GRIK4: variants seen among roughly 807,000 people sequenced by gnomAD.
GRIK4 encodes glutamate receptor ionotropic, kainate 4.
Under a neutral mutation model 104.9 loss-of-function variants are expected in GRIK4, and 40 were observed. That is an observed-to-expected ratio of 0.38 (90% CI 0.30 to 0.50). The LOEUF (loss-of-function observed/expected upper bound fraction) is 0.50. Ranked by LOEUF, GRIK4 falls within the 20% of genes least tolerant of loss-of-function variation. The probability of loss-of-function intolerance (pLI) is 0.93; values close to 1 mark genes in which losing one functional copy is unlikely to be tolerated. For synonymous variants in GRIK4, 485 were observed against 524.9 expected (o/e 0.92, Z 1.04); for missense variants, 1,047 against 1,308.1 (o/e 0.80, Z 3.08).
intron 3 of GRIK4, among the ~76,000 whole-genome samples, chr11:120,664,014 C>T (rs1342444398): frequency 2.0e-5 from 3 of 152,222 alleles, no homozygotes; most frequent in Non-Finnish European, 4.4e-5. Flanking sequence ...CTCTGAACTC[C>T]ATGGGAGAGT....
chr11:120,896,693 C>G (rs968577988), intron 11 of GRIK4, among the ~76,000 whole-genome samples: 4 of 152,246 alleles, frequency 2.6e-5, no homozygotes, highest in Non-Finnish European at 5.9e-5. Flanking sequence ...CCTCTGGCCC[C>G]ATAGGGTGGG....
intron 1 of GRIK4, among the ~76,000 whole-genome samples, chr11:120,523,923 A>G (rs1204519950): frequency 7.0e-6 from 1 of 142,402 alleles, no homozygotes; most frequent in African/African-American, 2.7e-5. Flanking sequence ...TTGCTTCTGC[A>G]TTCTTTTTTT....
chr11:120,813,403 T>G (rs1011918964), intron 4 of GRIK4, among the ~76,000 whole-genome samples: 1 of 151,928 alleles, frequency 6.6e-6, no homozygotes, highest in Non-Finnish European at 1.5e-5. Context: ...GCTGTAAGAG[T>G]TAAGTTGGCT....
chr11:120,725,367 G>T (rs1029044107), intron 3 of GRIK4, among the ~76,000 whole-genome samples: 6 of 152,190 alleles, frequency 3.9e-5, no homozygotes, highest in Non-Finnish European at 7.3e-5. Context: ...TTTAGTCTAG[G>T]TCCTGTTGTT....
chr11:120,787,090 G>A (rs1351693988), intron 3 of GRIK4, among the ~76,000 whole-genome samples: 1 of 152,218 alleles, frequency 6.6e-6, no homozygotes, highest in African/African-American at 2.4e-5. Flanking sequence ...GGCCGAGGCG[G>A]GAGGATTGCT....
intron 3 of GRIK4, among the ~76,000 whole-genome samples, chr11:120,771,303 A>G (rs1001733795): frequency 6.6e-6 from 1 of 152,218 alleles, no homozygotes; most frequent in African/African-American, 2.4e-5. Context: ...ATGTTATTGG[A>G]CAATGGAGGA....
intron 1 of GRIK4, among the ~76,000 whole-genome samples, chr11:120,640,465 T>C (rs1249342264): frequency 1.3e-5 from 2 of 152,186 alleles, no homozygotes; most frequent in African/African-American, 4.8e-5. Flanking sequence ...AACCAGTAGG[T>C]GCTTAATATT....
Position 120,862,009 on chromosome 11 carries a change from C to T in GRIK4, c.795C>T (p.Ile265=), listed in dbSNP as rs1472557861. Residue 265 remains isoleucine (I), a synonymous_variant, in exon 9 of 21, where the codon ATC becomes ATT. Coordinates refer to ENST00000527524, the MANE Select transcript of GRIK4 (RefSeq NM_014619.5). ...GCCTTGTGGATGATCGTGTCAACAT[C>T]CTGGGATTTTCCATTTTCAACCAAT... is the stretch of plus-strand genomic sequence containing the variant. ...MDSLVDDRVN[I]LGFSIFNQSH... is the part of the protein sequence containing the mutation. 1 of 1,613,764 alleles carries T rather than the reference C, an allele frequency of 6.2e-7. No homozygotes were observed. Among genetic ancestry groups the T allele is most frequent in the East Asian group, 2.2e-5 (1 of 44,888 alleles).
chr11:120,647,625 C>G (rs1370535911), intron 1 of GRIK4, among the ~76,000 whole-genome samples: 1 of 152,372 alleles, frequency 6.6e-6, no homozygotes, highest in East Asian at 1.9e-4. Context: ...GGTCTCTCCC[C>G]ACCCGGCACA....
intron 8 of GRIK4, among the ~76,000 whole-genome samples, chr11:120,841,348 A>G (rs1243945395): frequency 6.6e-6 from 1 of 152,206 alleles, no homozygotes. Flanking sequence ...GGTATTTCAT[A>G]TAAGTGGAAT....
At chr11:120,658,386 G>C (rs1374337545) in intron 2 of GRIK4, among the ~76,000 whole-genome samples, 1 of 151,990 alleles carries the variant, frequency 6.6e-6, no homozygotes, top group Non-Finnish European at 1.5e-5. Flanking sequence ...ATGCATTTCT[G>C]CTTGATAAAT....
chr11:120,711,441 G>A (rs979508035), intron 3 of GRIK4, among the ~76,000 whole-genome samples: 1 of 152,088 alleles, frequency 6.6e-6, no homozygotes, highest in Non-Finnish European at 1.5e-5. Flanking sequence ...AATTCATCCT[G>A]GCGGGACCCA....
At position 120,864,941 on chromosome 11, in the gene GRIK4, C is replaced by A. The variant is rs78047505; in HGVS notation, c.906+2821C>A. Among the ~76,000 whole-genome samples, 65 of 152,316 alleles carry A rather than the reference C, an allele frequency of 4.3e-4. No individual in the cohort carries two copies. The East Asian group carries it at 9.6e-3, about 23-fold the overall frequency. ...CGTGTGATCTGAGGTAGTGACGTAA[C>A]CCCCGTGGGCCGCAGATTCTTTTTC... On this transcript the variant is annotated intron_variant, in intron 9 of 20. Transcript: ENST00000527524.
chr11:120,739,949 ACTCCAGC>A (rs1951297843), intron 3 of GRIK4, among the ~76,000 whole-genome samples: 1 of 152,088 alleles, frequency 6.6e-6, no homozygotes, highest in South Asian at 2.1e-4. Context: ...CTAGGACTGC[ACTCCAGC>A]CAGCTGACCT....
intron 1 of GRIK4, among the ~76,000 whole-genome samples, chr11:120,604,730 G>A (rs1272537176): frequency 1.3e-5 from 2 of 152,222 alleles, no homozygotes; most frequent in African/African-American, 4.8e-5. Flanking sequence ...AGATTTACAG[G>A]GCTGCATTGG....
intron 1 of GRIK4, among the ~76,000 whole-genome samples, chr11:120,574,667 C>G (rs956750691): frequency 1.2e-4 from 18 of 152,310 alleles, no homozygotes; most frequent in African/African-American, 3.8e-4. Context: ...CCCGTGGTGC[C>G]AGGCACTCAG....
intron 1 of GRIK4, among the ~76,000 whole-genome samples, chr11:120,543,900 T>C (rs1470402418): frequency 6.6e-6 from 1 of 152,198 alleles, no homozygotes; most frequent in Non-Finnish European, 1.5e-5. Flanking sequence ...AGACAAATAT[T>C]GTATGATCTC....
At chr11:120,578,386 G>C (rs1301507583) in intron 1 of GRIK4, among the ~76,000 whole-genome samples, 1 of 152,176 alleles carries the variant, frequency 6.6e-6, no homozygotes, top group Non-Finnish European at 1.5e-5. Flanking sequence ...CTGGAGTTTA[G>C]AGCTGCTCCT....
chr11:120,586,288 T>C (rs1168847528), intron 1 of GRIK4, among the ~76,000 whole-genome samples: 3 of 151,936 alleles, frequency 2.0e-5, no homozygotes, highest in Non-Finnish European at 4.4e-5. Flanking sequence ...AGTACCAGAA[T>C]ATGCAAAGGT....
Sources: allele counts gnomAD v4.1 joint callset (sites outside exome capture counted in the v4.1 genomes callset), GRCh38; gene constraint gnomAD v4.1.1; transcripts MANE v1.5; gene names NCBI Gene and HGNC (gene_info 2026-07-23, HGNC 2026-07-21).